The following TNIP3 variants were observed in gnomAD, a reference collection of about 807,000 sequenced individuals.
TNIP3 encodes TNFAIP3 interacting protein 3, also known as TNFAIP3-interacting protein 3.
In TNIP3, 34 loss-of-function variants were observed where a neutral mutation model predicts 54.1. The ratio of observed to expected loss-of-function variants is 0.63; its 90% CI spans 0.48 to 0.84. TNIP3 has a LOEUF of 0.84. Ranked by LOEUF, TNIP3 falls within the 40% of genes least tolerant of loss-of-function variation. The probability of loss-of-function intolerance (pLI) is 0.00; values close to 1 mark genes in which losing one functional copy is unlikely to be tolerated. For missense variants in TNIP3, 366 were observed against 387.6 expected (o/e 0.94, Z 0.47); for synonymous variants, 134 against 136.8 (o/e 0.98, Z 0.14).
At chr4:121,136,859 A>T (rs1351469881) in intron 10 of TNIP3, among the ~76,000 whole-genome samples, 1 of 74,688 alleles carries the variant, frequency 1.3e-5, no homozygotes, top group Non-Finnish European at 2.5e-5. Flanking sequence ...CTGTCTCCGA[A>T]AAAAAAAAAA....
chr4:121,197,077 G>GA (rs1560686242), intron 2 of TNIP3, among the ~76,000 whole-genome samples: 2 of 151,920 alleles, frequency 1.3e-5, no homozygotes, highest in African/African-American at 4.8e-5. Flanking sequence ...TCAAAAATGG[G>GA]AAAAAATCAA....
intron 4 of TNIP3, among the ~76,000 whole-genome samples, chr4:121,156,530 T>C (rs1348320402): frequency 6.6e-6 from 1 of 152,202 alleles, no homozygotes; most frequent in Non-Finnish European, 1.5e-5. Flanking sequence ...CTCAGCTTTC[T>C]CATTTTTAAT....
intron 2 of TNIP3, among the ~76,000 whole-genome samples, chr4:121,201,816 AT>A (rs1265060617): frequency 1.3e-5 from 2 of 152,220 alleles, no homozygotes; most frequent in Non-Finnish European, 1.5e-5. Context: ...TCATATGTAA[AT>A]TAAGGAAACT....
chr4:121,159,086 T>C (rs1021188781), intron 2 of TNIP3, among the ~76,000 whole-genome samples: 3 of 152,174 alleles, frequency 2.0e-5, no homozygotes, highest in African/African-American at 7.2e-5. Context: ...CTACTAAAAA[T>C]ACAAAACTTA....
At chr4:121,166,869 A>T (rs1477379599), upstream of TNIP3, among the ~76,000 whole-genome samples, 1 of 152,192 alleles carries the variant, frequency 6.6e-6, no homozygotes, top group African/African-American at 2.4e-5. Context: ...GAAAGAGAGG[A>T]TTAGTAATGA....
intron 2 of TNIP3, 135 bp from the exon 3 acceptor site, chr4:121,158,887 T>C (rs1730273604): frequency 1.5e-6 from 1 of 682,692 alleles, no homozygotes; most frequent in Non-Finnish European, 2.5e-6. Context: ...TCCATCAAGT[T>C]CTGATTGTGC....
intron 2 of TNIP3, among the ~76,000 whole-genome samples, chr4:121,187,154 G>A (rs1268985874): frequency 6.6e-6 from 1 of 152,028 alleles, no homozygotes; most frequent in Non-Finnish European, 1.5e-5. Context: ...CAACAGTGTT[G>A]TGCTCTTAAT....
intron 7 of TNIP3, among the ~76,000 whole-genome samples, chr4:121,145,665 G>A (rs899662026): frequency 2.7e-5 from 4 of 149,848 alleles, no homozygotes; most frequent in Non-Finnish European, 5.9e-5. Flanking sequence ...ATTAAAAATT[G>A]TTTTAAAATT....
At chr4:121,204,450 A>G (rs951955923) in intron 2 of TNIP3, among the ~76,000 whole-genome samples, 1 of 152,166 alleles carries the variant, frequency 6.6e-6, no homozygotes, top group African/African-American at 2.4e-5. Flanking sequence ...TAAAATGTAT[A>G]CAATCAAACG....
chr4:121,156,250 T>G (rs111612508), intron 4 of TNIP3, among the ~76,000 whole-genome samples: 2,459 of 152,318 alleles, frequency 0.016, 52 homozygotes, highest in African/African-American at 0.055. Context: ...AGTGATAAGA[T>G]TTCCCCTCAG....
chr4:121,151,068 G>A (rs1224792230), intron 5 of TNIP3, among the ~76,000 whole-genome samples: 2 of 152,136 alleles, frequency 1.3e-5, no homozygotes, highest in Non-Finnish European at 2.9e-5. Context: ...GAAAGACATT[G>A]CCTCTATTTT....
intron 3 of TNIP3, among the ~76,000 whole-genome samples, chr4:121,182,437 C>T (rs1186903655): frequency 1.3e-5 from 2 of 152,186 alleles, no homozygotes; most frequent in African/African-American, 4.8e-5. Flanking sequence ...CTTGTAGTCA[C>T]AGCTGCCTGG....
intron 5 of TNIP3, among the ~76,000 whole-genome samples, chr4:121,151,887 A>G (rs936465716): frequency 4.6e-5 from 7 of 152,192 alleles, no homozygotes; most frequent in Admixed American, 4.6e-4. Context: ...TACGATTAGT[A>G]TGGATATCCT....
At chr4:121,138,747 A>G in intron 9 of TNIP3, 63 bp from the exon 10 acceptor site, 1 of 1,441,708 alleles carries the variant, frequency 6.9e-7, no homozygotes, top group Admixed American at 1.7e-5. Context: ...GCATGTCAAA[A>G]ATACAATTAG....
At chr4:121,141,381 T>G (rs1440565014) in intron 9 of TNIP3, among the ~76,000 whole-genome samples, 2 of 152,218 alleles carry the variant, frequency 1.3e-5, no homozygotes, top group African/African-American at 2.4e-5. Flanking sequence ...TCCTTTCAAT[T>G]GGAAAATGTC....
chr4:121,166,881 TA>T (rs1425496778), upstream of TNIP3, among the ~76,000 whole-genome samples: 2 of 152,188 alleles, frequency 1.3e-5, no homozygotes, highest in African/African-American at 4.8e-5. Context: ...TAGTAATGAC[TA>T]AAAGATCTAG....
chr4:121,153,265 A>G (rs574057137), intron 5 of TNIP3, among the ~76,000 whole-genome samples: 1 of 152,332 alleles, frequency 6.6e-6, no homozygotes, highest in Non-Finnish European at 1.5e-5. Context: ...AACTACAAAT[A>G]TGGATACACA....
chr4:121,194,231 T>A lies in TNIP3; in HGVS notation c.69-11435A>T, dbSNP rs17051317. Among the ~76,000 whole-genome samples the A allele has an allele frequency of 9.0e-3, 1,376 of 152,274 alleles. 25 individuals are homozygous for A. Among genetic ancestry groups the A allele is most frequent in the African/African-American group, 0.031 (1,297 of 41,558 alleles). Reference sequence around the variant, plus strand: ...TTTTTCTTTCTCACAAAGCAGACTTTAAACTTTCAGTGGTAACTTATTTCC... The same window carrying A: ...TTTTTCTTTCTCACAAAGCAGACTTAAAACTTTCAGTGGTAACTTATTTCC... On this transcript the variant is annotated intron_variant, in intron 2 of 12. Coordinates refer to the TNIP3 transcript ENST00000507879.
chr4:121,207,309 C>A (rs1464873121), intron 2 of TNIP3, among the ~76,000 whole-genome samples: 1 of 152,090 alleles, frequency 6.6e-6, no homozygotes, highest in African/African-American at 2.4e-5. Context: ...GCATTGACAG[C>A]TATAAAGCAG....
Sources: gnomAD v4.1 joint callset for allele counts (sites outside exome capture counted in the v4.1 genomes callset) on GRCh38, gnomAD v4.1.1 for gene constraint, MANE v1.5 for transcripts, NCBI Gene and HGNC (gene_info 2026-07-23, HGNC 2026-07-21) for gene names.